Variants in RBM44 observed in about 807,000 individuals in gnomAD.
RBM44 encodes RNA-binding protein 44.
In RBM44, 66 loss-of-function variants were observed where a neutral mutation model predicts 105.1. The ratio of observed to expected loss-of-function variants is 0.63; its 90% CI spans 0.52 to 0.77. The LOEUF is 0.77. Ranked by LOEUF, RBM44 falls within the 30% of genes least tolerant of loss-of-function variation. The pLI is 0.00. For missense variants in RBM44, 1,122 were observed against 1,207.8 expected, an observed-to-expected ratio of 0.93 and a Z score of 1.05; for synonymous variants, 365 against 417.6, an observed-to-expected ratio of 0.87 and a Z score of 1.54.
intron 1 of RBM44, among the ~76,000 whole-genome samples, chr2:237,806,092 G>T (rs2061597002): frequency 6.6e-6 from 1 of 152,124 alleles, no homozygotes; most frequent in Non-Finnish European, 1.5e-5. Flanking sequence ...ATTTCTTCTT[G>T]TATTCATTTT....
chr2:237,818,225 A>C lies in RBM44; in HGVS notation c.1306A>C (p.Ser436Arg). ...DNTSLKVAHS[S>R]TTKKTCFHNI... ...TACGTCCCTAAAAGTTGCTCATAGC[A>C]GTACCACAAAGAAAACATGCTTTCA... Residue 436 changes from serine to arginine, a missense_variant, in exon 3 of 16, where the codon AGT (serine) becomes CGT (arginine). Ser to Arg is a moderately radical substitution (Grantham distance 110, BLOSUM62 -1). This residue lies in a region of RBM44 where 918 missense variants were observed against 955.3 expected (regional missense o/e 0.96). Transcript: ENST00000316997. The surrounding 1 kb of genome is among the most constrained non-coding windows in gnomAD (Gnocchi z 4.6). 6.2e-7 allele frequency: 1 copy of C among 1,613,274 alleles called. No individual in the cohort carries two copies. Among genetic ancestry groups the C allele is most frequent in the South Asian group, 1.1e-5 (1 of 91,062 alleles).
chr2:237,830,647 A>G (rs2061894192), intron 13 of RBM44, among the ~76,000 whole-genome samples: 1 of 152,160 alleles, frequency 6.6e-6, no homozygotes, highest in African/African-American at 2.4e-5. Flanking sequence ...TTCCAGCATC[A>G]TTTGTTAAAA....
At chr2:237,813,036 C>A (rs1308153926) in intron 1 of RBM44, among the ~76,000 whole-genome samples, 7 of 152,036 alleles carry the variant, frequency 4.6e-5, no homozygotes, top group Non-Finnish European at 1.0e-4. Flanking sequence ...TTTTTAGTAA[C>A]CTTATCAAGT....
chr2:237,838,482 C>G (rs1042238900), intron 15 of RBM44, among the ~76,000 whole-genome samples: 2 of 147,292 alleles, frequency 1.4e-5, no homozygotes, highest in Non-Finnish European at 3.0e-5. Flanking sequence ...TGTGGTAGGT[C>G]TCAATCAATA....
At chr2:237,809,005 C>G (rs1283633148) in intron 1 of RBM44, among the ~76,000 whole-genome samples, 1 of 152,164 alleles carries the variant, frequency 6.6e-6, no homozygotes, top group Non-Finnish European at 1.5e-5. Flanking sequence ...CCAACATTGT[C>G]AAATCATCTT....
At chr2:237,836,555 G>A (rs1431543624) in intron 15 of RBM44, among the ~76,000 whole-genome samples, 1 of 152,130 alleles carries the variant, frequency 6.6e-6, no homozygotes, top group Non-Finnish European at 1.5e-5. Flanking sequence ...GCCGAGGCGG[G>A]TGGATCACAA....
chr2:237,829,429 T>C lies in RBM44; in HGVS notation c.2813T>C (p.Ile938Thr), dbSNP rs1559920412. 1.2e-6 allele frequency: 2 copies of C among 1,613,742 alleles called. No homozygotes were observed. Among genetic ancestry groups the C allele is most frequent in the Non-Finnish European group, 8.5e-7 (1 of 1,179,722 alleles). ...AAACAAATCCACTCAGAATTCTCCA[T>C]TTCTAGATTGCCCAGAACTAGGCCA... The part of the protein sequence containing the change: ...TNKQIHSEFS[I>T]SRLPRTRPRQ... The change falls in exon 13 of 16, where the codon ATT becomes ACT. Residue 938 changes from isoleucine to threonine, a missense_variant. This residue lies in a region of RBM44 where 194 missense variants were observed against 225.5 expected (regional missense o/e 0.86). Transcript: ENST00000316997.
chr2:237,815,365 A>G (rs1272747976), intron 2 of RBM44, among the ~76,000 whole-genome samples: 1 of 151,930 alleles, frequency 6.6e-6, no homozygotes, highest in Admixed American at 6.6e-5. Flanking sequence ...CCAGAATTGA[A>G]CTCATTATCC....
intron 8 of RBM44, among the ~76,000 whole-genome samples, chr2:237,822,597 T>G (rs2061804663): frequency 6.6e-6 from 1 of 152,116 alleles, no homozygotes; most frequent in East Asian, 1.9e-4. Flanking sequence ...CATTGTCTAT[T>G]CCATTGTTAA....
intron 15 of RBM44, among the ~76,000 whole-genome samples, chr2:237,840,807 G>A (rs183645747): frequency 3.9e-5 from 6 of 152,240 alleles, no homozygotes; most frequent in African/African-American, 1.4e-4. Flanking sequence ...TGGCCAACAA[G>A]CATATGAAAA....
chr2:237,802,808 T>A (rs1159194355), intron 1 of RBM44, among the ~76,000 whole-genome samples: 3 of 152,236 alleles, frequency 2.0e-5, no homozygotes, highest in Non-Finnish European at 4.4e-5. Flanking sequence ...TATTCGTCTC[T>A]GAAACTGGAA....
intron 1 of RBM44, among the ~76,000 whole-genome samples, chr2:237,812,135 C>T (rs1274951909): frequency 1.3e-5 from 2 of 152,194 alleles, no homozygotes; most frequent in Non-Finnish European, 2.9e-5. Flanking sequence ...GGATTACAGG[C>T]GTGAGCCACT....
chr2:237,838,482 CTCAA>C (rs1404921377), intron 15 of RBM44, among the ~76,000 whole-genome samples: 2 of 147,292 alleles, frequency 1.4e-5, no homozygotes, highest in Non-Finnish European at 3.0e-5. Context: ...TGTGGTAGGT[CTCAA>C]TCAATATTGA....
intron 13 of RBM44, among the ~76,000 whole-genome samples, chr2:237,832,985 A>G (rs1468194948): frequency 1.3e-5 from 2 of 152,384 alleles, no homozygotes; most frequent in South Asian, 4.1e-4. Context: ...TGGAAGATGT[A>G]CCCAGAAAAT....
chr2:237,819,665 T>C (rs2061761978), intron 4 of RBM44, among the ~76,000 whole-genome samples: 1 of 152,100 alleles, frequency 6.6e-6, no homozygotes. Context: ...TGGGGCTTTT[T>C]GATATAATAG....
rs2061680510 is a variant in RBM44 at position 237,813,541 on chromosome 2, A to C, written c.-18-51A>C. The C allele has an allele frequency of 4.0e-6, 4 of 1,004,048 alleles. No individual in the cohort carries two copies. In the East Asian group the frequency reaches 1.1e-4, roughly 27 times the overall value. The allele number at this position is 1,004,048 out of a possible 1,614,324, so 62.2% of individuals were successfully genotyped here. On this transcript the variant is annotated intron_variant, in intron 1 of 15. Coordinates refer to ENST00000316997, the MANE Select transcript of RBM44 (RefSeq NM_001080504.3). ...TCTTTCTGTCCTTTATGTAGTTGTC[A>C]ATTTATGCTTTTTAAGTATAATAAT...
In RBM44 at chr2:237,818,618, A is replaced by G. The variant is rs1460213386; in HGVS notation, c.1677+22A>G. On this transcript the variant is annotated intron_variant, in intron 3 of 15. Transcript: ENST00000316997. This position sits in a 1 kb window ranked among gnomAD's most constrained non-coding sequence, Gnocchi z 4.6. ...TAAGGTAAAATCAATATGAGTAATA[A>G]TAAAATTTGGACTTTATAAAGAGAC... is the stretch of plus-strand genomic sequence containing the variant. The G allele has an allele frequency of 7.0e-7, 1 of 1,434,574 alleles. No homozygotes were observed. The allele number at this position is 1,434,574 out of a possible 1,614,324, so 88.9% of individuals were successfully genotyped here.
chr2:237,804,711 G>A (rs137991119), intron 1 of RBM44, among the ~76,000 whole-genome samples: 55 of 152,308 alleles, frequency 3.6e-4, no homozygotes, highest in Non-Finnish European at 7.8e-4. Flanking sequence ...GGTAGCAGAT[G>A]CATAGTTTGC....
At position 237,817,250 on chromosome 2, in the gene RBM44, A is replaced by T; in HGVS notation, c.331A>T (p.Thr111Ser). Residue 111 changes from threonine to serine, a missense_variant, in exon 3 of 16, where the codon ACA (threonine) becomes TCA (serine). By Grantham distance (58) the Thr-to-Ser change is moderately conservative. Transcript: ENST00000316997. ...DSTDYAFLNKTYSIPYSESKL... is the reference protein window; with the variant it reads ...DSTDYAFLNKSYSIPYSESKL... ...TACTGACTATGCTTTCTTGAATAAA[A>T]CATATTCTATACCTTATTCAGAGTC... The T allele has an allele frequency of 1.2e-6, 2 of 1,605,388 alleles. No individual in the cohort carries two copies. The highest frequency in any genetic ancestry group is 1.1e-5 in the South Asian group (1 of 90,170).
Sources: allele counts gnomAD v4.1 joint callset (sites outside exome capture counted in the v4.1 genomes callset), GRCh38; gene constraint gnomAD v4.1.1; regional missense constraint gnomAD v4.1.1; non-coding constraint Gnocchi (gnomAD v3.1); transcripts MANE v1.5; gene names NCBI Gene and HGNC (gene_info 2026-07-23, HGNC 2026-07-21).